Variants in SLC9A9 observed in about 807,000 individuals in gnomAD.
SLC9A9 encodes sodium/hydrogen exchanger 9.
A neutral mutation model predicts 77.8 loss-of-function variants in SLC9A9; 62 were observed. The observed-to-expected ratio is 0.80, with a 90% confidence interval of 0.65 to 0.98. The LOEUF (loss-of-function observed/expected upper bound fraction) is 0.98, where lower values mean the gene tolerates loss of function less well. SLC9A9 is among the 50% of genes least tolerant of loss of function. The pLI, the probability that SLC9A9 is intolerant of heterozygous loss-of-function variation, is 0.00. For synonymous variants in SLC9A9, 320 were observed against 283.5 expected, an observed-to-expected ratio of 1.13 and a Z score of -1.29; for missense variants, 775 against 774.9, an observed-to-expected ratio of 1.00 and a Z score of 0.00.
At chr3:143,334,583 C>A (rs1011208642) in intron 14 of SLC9A9, among the ~76,000 whole-genome samples, 5 of 152,162 alleles carry the variant, frequency 3.3e-5, no homozygotes, top group Non-Finnish European at 7.3e-5. Context: ...TTAGTAGCAA[C>A]CCTTACCTCA....
At chr3:143,452,406 G>GA (rs1473964887) in intron 12 of SLC9A9, among the ~76,000 whole-genome samples, 1 of 149,490 alleles carries the variant, frequency 6.7e-6, no homozygotes, top group Non-Finnish European at 1.5e-5. Context: ...GTTGCTGTGG[G>GA]AAAAAAAGCA....
intron 6 of SLC9A9, among the ~76,000 whole-genome samples, chr3:143,609,591 C>G (rs973396603): frequency 2.6e-4 from 40 of 152,130 alleles, no homozygotes; most frequent in African/African-American, 9.2e-4. Context: ...TTTCCTCCCT[C>G]TCTGACACCC....
chr3:143,754,460 G>C (rs944976864), intron 4 of SLC9A9, among the ~76,000 whole-genome samples: 1 of 152,146 alleles, frequency 6.6e-6, no homozygotes, highest in African/African-American at 2.4e-5. Flanking sequence ...GTGTTTTCTT[G>C]TATGTGAAAG....
rs369353318 is a variant in SLC9A9, at chr3:143,829,529, C to T, written c.378+2490G>A. Among the ~76,000 whole-genome samples, 3 of 152,140 alleles carry T rather than the reference C, an allele frequency of 2.0e-5. No homozygotes were observed. In the East Asian group the frequency reaches 5.8e-4, roughly 29 times the overall value. On this transcript the variant is annotated intron_variant, in intron 2 of 15. Coordinates refer to ENST00000316549, the MANE Select transcript of SLC9A9 (RefSeq NM_173653.4). ...ATGTAACCAGCTCAAGTACCTATGACAACTAGTCTGTAAAGTTTCACAGTC... is the reference window on the plus strand; with the variant it reads ...ATGTAACCAGCTCAAGTACCTATGATAACTAGTCTGTAAAGTTTCACAGTC...
chr3:143,401,462 C>T (rs746525886), intron 12 of SLC9A9, among the ~76,000 whole-genome samples: 10 of 152,150 alleles, frequency 6.6e-5, no homozygotes, highest in African/African-American at 9.6e-5. Context: ...TCCTACCTGG[C>T]ATCAGACTAG....
At position 143,266,248 on chromosome 3, in the gene SLC9A9, T is replaced by G. The variant is rs1937709126; in HGVS notation, c.*454A>C. The G allele has an allele frequency of 1.6e-6, 1 of 617,348 alleles. No individual in the cohort carries two copies. The highest frequency in any genetic ancestry group is 2.8e-5 in the East Asian group (1 of 36,136). 38.2% of individuals were successfully genotyped at this position (617,348 alleles called of 1,614,324 possible). Reference sequence around the variant, plus strand: ...TCAAAATAAGAAACTTATCACTTACTAAATAGCTGGGCATTCCCTTCAGCT... The same window carrying G: ...TCAAAATAAGAAACTTATCACTTACGAAATAGCTGGGCATTCCCTTCAGCT... On this transcript the variant is annotated 3_prime_UTR_variant, in exon 16 of 16. Transcript: ENST00000316549.
At position 143,271,920 on chromosome 3, in the gene SLC9A9, T is replaced by G. The variant is rs150582125; in HGVS notation, c.1605-2940A>C. ...CTTGGTTTGCCCAGTGCTTGCTATA[T>G]ATTATGTGCACAATGGATGTTTGGA... On this transcript the variant is annotated intron_variant, in intron 14 of 15. Coordinates refer to ENST00000316549, the MANE Select transcript of SLC9A9 (RefSeq NM_173653.4). 9.0e-3 allele frequency among the ~76,000 whole-genome samples: 1,378 copies of G among 152,308 alleles called. 23 individuals carry two copies. Among genetic ancestry groups the G allele is most frequent in the South Asian group, 0.066 (316 of 4,808 alleles).
rs1156385427 is a variant in SLC9A9, at chr3:143,669,829, C to T, written c.650-17469G>A. Reference sequence around the variant, plus strand: ...AATGGGGATAAAATAATCCCTTCTTCAGGTTTTTGGAGAATAATTAATTGG... The same window carrying T: ...AATGGGGATAAAATAATCCCTTCTTTAGGTTTTTGGAGAATAATTAATTGG... On this transcript the variant is annotated intron_variant, in intron 5 of 15. Coordinates refer to ENST00000316549, the MANE Select transcript of SLC9A9 (RefSeq NM_173653.4). Among the ~76,000 whole-genome samples, 3 of 152,140 alleles carry T rather than the reference C, an allele frequency of 2.0e-5. No individual in the cohort carries two copies. In the East Asian group the frequency reaches 5.8e-4, roughly 29 times the overall value.
At chr3:143,826,413 T>G (rs193253067) in intron 2 of SLC9A9, among the ~76,000 whole-genome samples, 218 of 152,288 alleles carry the variant, frequency 1.4e-3, no homozygotes, top group African/African-American at 5.2e-3. Flanking sequence ...CCTCTTCTTC[T>G]GACTAGTTGG....
intron 11 of SLC9A9, among the ~76,000 whole-genome samples, chr3:143,470,380 T>C (rs2035357454): frequency 6.6e-6 from 1 of 151,180 alleles, no homozygotes; most frequent in Non-Finnish European, 1.5e-5. Context: ...CTATGGAGGC[T>C]GAGGCAGGAG....
intron 9 of SLC9A9, among the ~76,000 whole-genome samples, chr3:143,543,807 T>C (rs2036736721): frequency 6.7e-6 from 1 of 149,464 alleles, no homozygotes. Context: ...GACACCTAGA[T>C]TGATTCCATG....
At chr3:143,388,575 G>A (rs913668033) in intron 12 of SLC9A9, among the ~76,000 whole-genome samples, 2 of 152,224 alleles carry the variant, frequency 1.3e-5, no homozygotes, top group Non-Finnish European at 2.9e-5. Context: ...TAAAATATTG[G>A]CTGCCATCTA....
chr3:143,680,378 T>C (rs763477953), intron 5 of SLC9A9, among the ~76,000 whole-genome samples: 21 of 152,150 alleles, frequency 1.4e-4, no homozygotes, highest in Admixed American at 3.9e-4. Flanking sequence ...TGCTAAAGTT[T>C]TTCATTGTTT....
At chr3:143,657,615 T>A (rs1347874784) in intron 5 of SLC9A9, among the ~76,000 whole-genome samples, 1 of 152,210 alleles carries the variant, frequency 6.6e-6, no homozygotes, top group African/African-American at 2.4e-5. Context: ...AGAGGCTACA[T>A]GATGCAACAG....
At chr3:143,750,666 T>C (rs1397083777) in intron 4 of SLC9A9, among the ~76,000 whole-genome samples, 2 of 151,154 alleles carry the variant, frequency 1.3e-5, no homozygotes, top group African/African-American at 2.4e-5. Flanking sequence ...TACTAATAAC[T>C]GATAATATTG....
chr3:143,735,344 C>A (rs746549154), intron 4 of SLC9A9, among the ~76,000 whole-genome samples: 8 of 152,114 alleles, frequency 5.3e-5, no homozygotes, highest in Admixed American at 1.3e-4. Context: ...CTAGGAATTA[C>A]TCAATAAGTA....
chr3:143,690,354 T>C (rs1391131404), intron 5 of SLC9A9, among the ~76,000 whole-genome samples: 1 of 152,082 alleles, frequency 6.6e-6, no homozygotes, highest in African/African-American at 2.4e-5. Context: ...ATTTCTCCTT[T>C]TAAAAAAAGG....
intron 2 of SLC9A9, among the ~76,000 whole-genome samples, chr3:143,825,841 A>C (rs2009283204): frequency 6.6e-6 from 1 of 152,222 alleles, no homozygotes; most frequent in Non-Finnish European, 1.5e-5. Flanking sequence ...CTGTATCTGC[A>C]AGACTTTTCC....
At chr3:143,440,442 G>C (rs2034711637) in intron 12 of SLC9A9, among the ~76,000 whole-genome samples, 1 of 152,206 alleles carries the variant, frequency 6.6e-6, no homozygotes, top group Non-Finnish European at 1.5e-5. Flanking sequence ...GGTTCAAGGA[G>C]TTTGGCCCCT....
Sources: gnomAD v4.1 joint callset for allele counts (sites outside exome capture counted in the v4.1 genomes callset) on GRCh38, gnomAD v4.1.1 for gene constraint, MANE v1.5 for transcripts, NCBI Gene and HGNC (gene_info 2026-07-23, HGNC 2026-07-21) for gene names.